AFF3: variants seen among roughly 807,000 people sequenced by gnomAD.
AFF3 encodes AF4/FMR2 family member 3.
In AFF3, 32 loss-of-function variants were observed where a neutral mutation model predicts 129.7. The observed-to-expected ratio is 0.25, with a 90% confidence interval of 0.19 to 0.33. AFF3 has a LOEUF of 0.33. Among genes scored for constraint, AFF3 ranks in the 10% least tolerant of loss-of-function variants. AFF3 has a pLI of 1.00. For synonymous variants in AFF3, 644 were observed against 635.4 expected (o/e 1.01, Z -0.20); for missense variants, 1,373 against 1,592.0 (o/e 0.86, Z 2.34).
chr2:99,874,925 A>G (rs1033862782), intron 7 of AFF3, among the ~76,000 whole-genome samples: 1 of 152,210 alleles, frequency 6.6e-6, no homozygotes, highest in African/African-American at 2.4e-5. Context: ...GACACGGAGA[A>G]AAAGAAGTAA....
intron 4 of AFF3, among the ~76,000 whole-genome samples, chr2:100,092,043 C>T (rs1256951349): frequency 2.6e-5 from 4 of 151,486 alleles, no homozygotes; most frequent in African/African-American, 7.3e-5. Context: ...AATCTCAAGG[C>T]TTTCACCAGC....
At chr2:99,856,970 G>GAACT in intron 7 of AFF3, among the ~76,000 whole-genome samples, 1 of 152,162 alleles carries the variant, frequency 6.6e-6, no homozygotes, top group Admixed American at 6.5e-5. Flanking sequence ...ATTACTGTTA[G>GAACT]AAATGAATGA....
chr2:99,795,513 A>C (rs200549067), intron 8 of AFF3, among the ~76,000 whole-genome samples: 1 of 152,162 alleles, frequency 6.6e-6, no homozygotes, highest in East Asian at 1.9e-4. Flanking sequence ...ATATACTCCC[A>C]TAACAAAACA....
chr2:99,682,412 G>A (rs189673843), intron 11 of AFF3, among the ~76,000 whole-genome samples: 64 of 152,236 alleles, frequency 4.2e-4, no homozygotes, highest in Admixed American at 4.0e-3. Context: ...TTTCCTCAAC[G>A]CCTAGGATAA....
intron 13 of AFF3, among the ~76,000 whole-genome samples, chr2:99,626,316 C>CCCTTCCTT (rs147534863): frequency 6.8e-6 from 1 of 147,794 alleles, no homozygotes; most frequent in Non-Finnish European, 1.5e-5. Flanking sequence ...CTGCCTCCCT[C>CCCTTCCTT]CCTTCCTTCC....
At chr2:99,617,839 G>A (rs755434450) in intron 13 of AFF3, among the ~76,000 whole-genome samples, 1 of 152,184 alleles carries the variant, frequency 6.6e-6, no homozygotes, top group Non-Finnish European at 1.5e-5. Flanking sequence ...TATGTCTACA[G>A]AAGGCAGAGC....
chr2:99,701,893 G>T (rs1676901529), intron 11 of AFF3, among the ~76,000 whole-genome samples: 1 of 152,148 alleles, frequency 6.6e-6, no homozygotes. Flanking sequence ...TTTCACAAAG[G>T]TTACATACGT....
chr2:99,958,558 C>T lies in AFF3; in HGVS notation c.873+48074G>A, dbSNP rs565185638. On this transcript the variant is annotated intron_variant, in intron 7 of 24. Transcript: ENST00000672756. ...ATTTACTGAGCAACTTCCAGGTGGA[C>T]GATCCTATGCTAAGCACCGTGATGG... 1.4e-4 allele frequency among the ~76,000 whole-genome samples: 21 copies of T among 151,292 alleles called. No homozygotes were observed. In the South Asian group the frequency reaches 2.1e-3, roughly 15 times the overall value.
intron 8 of AFF3, among the ~76,000 whole-genome samples, chr2:99,772,438 C>T (rs769779967): frequency 2.0e-5 from 3 of 152,190 alleles, no homozygotes; most frequent in Non-Finnish European, 4.4e-5. Flanking sequence ...TCTCTCTGAA[C>T]TTTACACAGA....
intron 7 of AFF3, among the ~76,000 whole-genome samples, chr2:99,979,543 A>C (rs1679204930): frequency 6.6e-6 from 1 of 151,732 alleles, no homozygotes; most frequent in South Asian, 2.1e-4. Context: ...CAGTGGTATA[A>C]TCACAGTTCA....
chr2:99,759,247 T>C (rs929834922), intron 8 of AFF3, among the ~76,000 whole-genome samples: 4 of 152,260 alleles, frequency 2.6e-5, no homozygotes, highest in African/African-American at 9.6e-5. Context: ...CCCAACCATT[T>C]ATCTCTCTTT....
At chr2:99,765,420 C>T (rs1682930026) in intron 8 of AFF3, among the ~76,000 whole-genome samples, 1 of 152,184 alleles carries the variant, frequency 6.6e-6, no homozygotes, top group Non-Finnish European at 1.5e-5. Context: ...TGCAGAGAAG[C>T]AGAGGGTAGA....
At chr2:100,041,865 T>C (rs984442342) in intron 4 of AFF3, among the ~76,000 whole-genome samples, 2 of 152,250 alleles carry the variant, frequency 1.3e-5, no homozygotes, top group African/African-American at 4.8e-5. Context: ...TTATTACATG[T>C]AATTACATGC....
rs558006362 is a variant in AFF3, at chr2:100,043,952, T to A, written c.54-35020A>T. Among the ~76,000 whole-genome samples, 1,228 of 152,316 alleles carry A rather than the reference T, an allele frequency of 8.1e-3. 20 individuals carry two copies. Among genetic ancestry groups the A allele is most frequent in the African/African-American group, 0.028 (1,163 of 41,552 alleles). Reference sequence around the variant, plus strand: ...TTTGCAGCCAAAATTATTTTTTCAGTCTCTTTAACCCTGGTGGGCCCCCTG... The same window carrying A: ...TTTGCAGCCAAAATTATTTTTTCAGACTCTTTAACCCTGGTGGGCCCCCTG... On this transcript the variant is annotated intron_variant, in intron 4 of 24. Coordinates refer to ENST00000672756, the MANE Select transcript of AFF3 (RefSeq NM_001386135.1).
chr2:99,865,493 C>T (rs988719206), intron 7 of AFF3, among the ~76,000 whole-genome samples: 1 of 152,018 alleles, frequency 6.6e-6, no homozygotes, highest in Non-Finnish European at 1.5e-5. Flanking sequence ...AGAAAGATCT[C>T]GGTTAAGCTG....
intron 4 of AFF3, among the ~76,000 whole-genome samples, chr2:100,012,068 T>C (rs1682598097): frequency 6.6e-6 from 1 of 152,162 alleles, no homozygotes; most frequent in African/African-American, 2.4e-5. Flanking sequence ...ATAACCAGCC[T>C]ACAGCTCCTA....
chr2:99,998,271 T>G (rs554123814), intron 7 of AFF3, among the ~76,000 whole-genome samples: 1 of 151,680 alleles, frequency 6.6e-6, no homozygotes, highest in Non-Finnish European at 1.5e-5. Flanking sequence ...TATAGATGGG[T>G]TGATTTGTTC....
At chr2:99,892,374 T>A (rs1238924737) in intron 7 of AFF3, among the ~76,000 whole-genome samples, 1 of 152,204 alleles carries the variant, frequency 6.6e-6, no homozygotes, top group African/African-American at 2.4e-5. Flanking sequence ...TGCCTAATGA[T>A]AACTGAGAAG....
chr2:99,982,861 G>C (rs1322388643), intron 7 of AFF3, among the ~76,000 whole-genome samples: 1 of 152,208 alleles, frequency 6.6e-6, no homozygotes, highest in East Asian at 1.9e-4. Flanking sequence ...AAGTTCAACA[G>C]TGGAGGAAAC....
Sources: gnomAD v4.1 joint callset for allele counts (sites outside exome capture counted in the v4.1 genomes callset) on GRCh38, gnomAD v4.1.1 for gene constraint, MANE v1.5 for transcripts, NCBI Gene and HGNC (gene_info 2026-07-23, HGNC 2026-07-21) for gene names.